Variants in BMPR2 observed in about 807,000 individuals in gnomAD.
BMPR2 encodes the protein bone morphogenetic protein receptor type-2.
Under a neutral mutation model 100.8 loss-of-function variants are expected in BMPR2, and 29 were observed. The observed-to-expected ratio is 0.29, with a 90% CI of 0.21 to 0.39. BMPR2 has a LOEUF of 0.39. BMPR2 is among the 10% of genes least tolerant of loss of function. The pLI, the probability that BMPR2 is intolerant of heterozygous loss-of-function variation, is 1.00. For missense variants in BMPR2, 1,011 were observed against 1,274.5 expected (o/e 0.79, Z 3.15); for synonymous variants, 382 against 442.3 (o/e 0.86, Z 1.71).
chr2:202,443,511 C>G (rs1048906577), intron 1 of BMPR2, among the ~76,000 whole-genome samples: 1 of 150,128 alleles, frequency 6.7e-6, no homozygotes, highest in Non-Finnish European at 1.5e-5. Flanking sequence ...TTCTCTCTCT[C>G]TCTTTCTTTC....
At position 202,443,231 on chromosome 2, in the gene BMPR2, A is replaced by G. The variant is rs754041109; in HGVS notation, c.77-21578A>G. On this transcript the variant is annotated intron_variant, in intron 1 of 12. Coordinates refer to ENST00000374580, the MANE Select transcript of BMPR2 (RefSeq NM_001204.7). Reference sequence around the variant, plus strand: ...CTAGTCTGTGGTATTCAGTAGCCCAAGCTGACTAATATAATGGCTGTGTGT... The same window carrying G: ...CTAGTCTGTGGTATTCAGTAGCCCAGGCTGACTAATATAATGGCTGTGTGT... Among the ~76,000 whole-genome samples the G allele has an allele frequency of 1.7e-4, 26 of 150,770 alleles. 1 individual carries two copies. Among genetic ancestry groups the G allele is most frequent in the Admixed American group, 1.2e-3 (19 of 15,236 alleles).
At chr2:202,469,547 C>A in intron 3 of BMPR2, 1 of 291,582 alleles carries the variant, frequency 3.4e-6, no homozygotes, top group South Asian at 3.0e-5. Context: ...TGGCACGATC[C>A]CGGCTCACTG....
intron 1 of BMPR2, among the ~76,000 whole-genome samples, chr2:202,423,672 T>C (rs1452054030): frequency 3.3e-5 from 5 of 152,158 alleles, no homozygotes; most frequent in African/African-American, 1.2e-4. Context: ...GGGGTATCGT[T>C]TCAGCCAGGA....
intron 3 of BMPR2, among the ~76,000 whole-genome samples, chr2:202,483,309 C>G (rs1157740127): frequency 2.0e-5 from 3 of 151,940 alleles, no homozygotes; most frequent in South Asian, 4.2e-4. Flanking sequence ...CTTGCCGTTT[C>G]ACTCTTTTGA....
chr2:202,512,948 T>TAA (rs896611037), intron 3 of BMPR2, among the ~76,000 whole-genome samples: 3 of 150,608 alleles, frequency 2.0e-5, no homozygotes, highest in African/African-American at 7.3e-5. Context: ...TATGCTTTTT[T>TAA]AAAAAAAAAC....
intron 12 of BMPR2, among the ~76,000 whole-genome samples, chr2:202,557,156 C>A (rs1473809487): frequency 6.6e-6 from 1 of 151,856 alleles, no homozygotes; most frequent in Non-Finnish European, 1.5e-5. Context: ...CATGGTGAAA[C>A]CCCGTCTCTA....
intron 1 of BMPR2, among the ~76,000 whole-genome samples, chr2:202,416,824 TTTTTC>T (rs2105920843): frequency 6.6e-6 from 1 of 151,512 alleles, no homozygotes; most frequent in South Asian, 2.1e-4. Context: ...ACAAAGGACT[TTTTTC>T]TTTTTCTTTT....
intron 1 of BMPR2, among the ~76,000 whole-genome samples, chr2:202,431,585 G>T (rs1234127246): frequency 6.6e-6 from 1 of 150,572 alleles, no homozygotes; most frequent in Non-Finnish European, 1.5e-5. Flanking sequence ...TTGTAAGATT[G>T]TAATATTGTA....
intron 7 of BMPR2, among the ~76,000 whole-genome samples, chr2:202,525,578 C>G (rs1687894374): frequency 6.6e-6 from 1 of 152,180 alleles, no homozygotes; most frequent in African/African-American, 2.4e-5. Context: ...TTGTCCCTTT[C>G]TGTCTCCATA....
intron 1 of BMPR2, among the ~76,000 whole-genome samples, chr2:202,381,198 C>T (rs1252114808): frequency 1.3e-5 from 2 of 152,076 alleles, no homozygotes; most frequent in African/African-American, 2.4e-5. Flanking sequence ...TGATCTCAAA[C>T]TCCTGACCTC....
intron 1 of BMPR2, among the ~76,000 whole-genome samples, chr2:202,381,350 A>G (rs1381665477): frequency 6.6e-6 from 1 of 152,178 alleles, no homozygotes; most frequent in Non-Finnish European, 1.5e-5. Flanking sequence ...GTGGCATGCA[A>G]CAATAGGCAT....
chr2:202,389,684 C>T (rs1690508566), intron 1 of BMPR2, among the ~76,000 whole-genome samples: 2 of 150,472 alleles, frequency 1.3e-5, no homozygotes, highest in Non-Finnish European at 3.0e-5. Flanking sequence ...TGCTCTTGTC[C>T]AGGCTGGAGT....
chr2:202,470,747 G>A (rs1692421046), intron 3 of BMPR2, among the ~76,000 whole-genome samples: 2 of 149,100 alleles, frequency 1.3e-5, no homozygotes, highest in South Asian at 4.3e-4. Flanking sequence ...GTCCGGCCTG[G>A]GCGACAGAGC....
intron 12 of BMPR2, among the ~76,000 whole-genome samples, chr2:202,558,647 A>G (rs974046329): frequency 6.0e-4 from 92 of 152,114 alleles, no homozygotes; most frequent in East Asian, 4.5e-3. Context: ...TAATCCCAGC[A>G]CTTTGGGAGG....
chr2:202,487,087 G>A (rs1485659849), intron 3 of BMPR2, among the ~76,000 whole-genome samples: 1 of 152,130 alleles, frequency 6.6e-6, no homozygotes, highest in East Asian at 1.9e-4. Flanking sequence ...CTGCCTAATA[G>A]AGCTTTTTAT....
chr2:202,553,699 T>G (rs954136969), intron 11 of BMPR2, among the ~76,000 whole-genome samples: 2 of 152,186 alleles, frequency 1.3e-5, no homozygotes, highest in African/African-American at 2.4e-5. Flanking sequence ...TTTGTTTGTT[T>G]GTTTTTGGAA....
At position 202,560,173 on chromosome 2, in the gene BMPR2, A is replaced by G; in HGVS notation, c.*227A>G. Reference sequence around the variant, plus strand: ...TTTTGCACTTTTGTTTAGTCTCGCTAAAGTTATATTTGTCTGTTATGACCA... The same window carrying G: ...TTTTGCACTTTTGTTTAGTCTCGCTGAAGTTATATTTGTCTGTTATGACCA... On this transcript the variant is annotated 3_prime_UTR_variant, in exon 13 of 13. Coordinates refer to ENST00000374580, the MANE Select transcript of BMPR2 (RefSeq NM_001204.7). 1.8e-6 allele frequency: 1 copy of G among 551,348 alleles called. No individual in the cohort carries two copies. The highest frequency in any genetic ancestry group is 3.3e-5 in the East Asian group (1 of 30,598). 34.2% of individuals were successfully genotyped at this position (551,348 alleles called of 1,614,324 possible). A position where few individuals can be genotyped will look rare whatever the true frequency, so the allele number is the denominator to read the frequency against.
chr2:202,383,340 A>G (rs1482124033), intron 1 of BMPR2, among the ~76,000 whole-genome samples: 1 of 152,174 alleles, frequency 6.6e-6, no homozygotes, highest in Non-Finnish European at 1.5e-5. Flanking sequence ...TGAGGTCAGG[A>G]GTTTGAGACC....
At chr2:202,533,514 C>T (rs1270999228) in intron 9 of BMPR2, among the ~76,000 whole-genome samples, 1 of 150,718 alleles carries the variant, frequency 6.6e-6, no homozygotes. Context: ...GCAACAAGAG[C>T]AAAACTCTGT....
Sources: gnomAD v4.1 joint callset for allele counts (sites outside exome capture counted in the v4.1 genomes callset) on GRCh38, gnomAD v4.1.1 for gene constraint, MANE v1.5 for transcripts, NCBI Gene and HGNC (gene_info 2026-07-23, HGNC 2026-07-21) for gene names.